Variants in PTPRT observed in about 807,000 individuals in gnomAD.
PTPRT encodes the protein receptor-type tyrosine-protein phosphatase T.
In PTPRT, 56 loss-of-function variants were observed where a neutral mutation model predicts 176.8. The observed-to-expected ratio is 0.32, with a 90% confidence interval of 0.26 to 0.40. The LOEUF (loss-of-function observed/expected upper bound fraction) is 0.40, where lower values mean the gene tolerates loss of function less well. Among genes scored for constraint, PTPRT ranks in the 10% least tolerant of loss-of-function variants. The pLI is 1.00. For missense variants in PTPRT, 1,540 were observed against 1,908.2 expected (o/e 0.81, Z 3.60); for synonymous variants, 783 against 739.0 (o/e 1.06, Z -0.96).
chr20:42,095,718 C>T (rs932167099), intron 27 of PTPRT, among the ~76,000 whole-genome samples: 1 of 152,212 alleles, frequency 6.6e-6, no homozygotes, highest in African/African-American at 2.4e-5. Flanking sequence ...CTGTCTCCTG[C>T]TTTAGAAGAG....
chr20:43,083,369 T>TAC (rs1247577383), intron 1 of PTPRT, among the ~76,000 whole-genome samples: 4 of 110,244 alleles, frequency 3.6e-5, no homozygotes, highest in African/African-American at 1.6e-4. Flanking sequence ...TATATATATA[T>TAC]ACATTTTTTG....
At position 42,352,783 on chromosome 20, in the gene PTPRT, T is replaced by C. The variant is rs566135329; in HGVS notation, c.1561-498A>G. 2.6e-5 allele frequency among the ~76,000 whole-genome samples: 4 copies of C among 152,318 alleles called. No individual in the cohort carries two copies. In the East Asian group the frequency reaches 7.7e-4, roughly 29 times the overall value. On this transcript the variant is annotated intron_variant, in intron 9 of 30. Coordinates refer to ENST00000373187, the MANE Select transcript of PTPRT (RefSeq NM_007050.6). ...GGGATGGACACCCCATCTATCGAGATATGATTATTACGCATTGCATGCTTA... is the reference window on the plus strand; with the variant it reads ...GGGATGGACACCCCATCTATCGAGACATGATTATTACGCATTGCATGCTTA...
chr20:42,759,628 T>C (rs2076886656), intron 5 of PTPRT, among the ~76,000 whole-genome samples: 1 of 152,156 alleles, frequency 6.6e-6, no homozygotes, highest in South Asian at 2.1e-4. Flanking sequence ...CACACAGAAG[T>C]CCAGGAAAAA....
At chr20:42,621,352 A>G (rs1177487365) in intron 7 of PTPRT, among the ~76,000 whole-genome samples, 2 of 152,176 alleles carry the variant, frequency 1.3e-5, no homozygotes, top group African/African-American at 2.4e-5. Context: ...GAACACCCAT[A>G]GCTCTTATCT....
chr20:42,816,117 C>T (rs1028372263), intron 2 of PTPRT, among the ~76,000 whole-genome samples: 30 of 152,122 alleles, frequency 2.0e-4, no homozygotes, highest in Admixed American at 1.7e-3. Context: ...TCATCTCAGA[C>T]GACAGCCATG....
chr20:42,313,293 G>A (rs1389959240), intron 12 of PTPRT, among the ~76,000 whole-genome samples: 5 of 152,130 alleles, frequency 3.3e-5, no homozygotes, highest in African/African-American at 1.2e-4. Flanking sequence ...GGGATGCTCT[G>A]TCTATGAAGT....
chr20:42,636,113 T>G (rs2074593070), intron 7 of PTPRT, among the ~76,000 whole-genome samples: 1 of 152,166 alleles, frequency 6.6e-6, no homozygotes, highest in African/African-American at 2.4e-5. Flanking sequence ...TTGATTACTC[T>G]TATACATGGT....
At chr20:42,094,995 T>G (rs548236069) in intron 27 of PTPRT, among the ~76,000 whole-genome samples, 4 of 152,314 alleles carry the variant, frequency 2.6e-5, no homozygotes, top group South Asian at 4.1e-4. Flanking sequence ...CTTCTCAAAG[T>G]GCTAGGTAAG....
intron 1 of PTPRT, among the ~76,000 whole-genome samples, chr20:42,943,484 C>T (rs1247724534): frequency 2.6e-5 from 4 of 152,102 alleles, no homozygotes; most frequent in Non-Finnish European, 5.9e-5. Context: ...TCTTACTTCC[C>T]CTCCCAGGTG....
intron 15 of PTPRT, among the ~76,000 whole-genome samples, chr20:42,207,190 G>GA (rs1600676638): frequency 6.6e-6 from 1 of 152,026 alleles, no homozygotes; most frequent in African/African-American, 2.4e-5. Flanking sequence ...CAAAGATGGG[G>GA]AAAAAACAGA....
intron 17 of PTPRT, among the ~76,000 whole-genome samples, chr20:42,155,902 C>T (rs1989329843): frequency 6.6e-6 from 1 of 152,196 alleles, no homozygotes; most frequent in South Asian, 2.1e-4. Flanking sequence ...AAGTCCTGCT[C>T]TCTTCGATGG....
chr20:42,237,252 T>C (rs900926573), intron 14 of PTPRT, among the ~76,000 whole-genome samples: 5 of 152,164 alleles, frequency 3.3e-5, no homozygotes, highest in Non-Finnish European at 7.3e-5. Flanking sequence ...TGGGGGTAGT[T>C]TGTTACATGG....
chr20:42,959,627 GA>G (rs953561303), intron 1 of PTPRT, among the ~76,000 whole-genome samples: 21 of 151,832 alleles, frequency 1.4e-4, no homozygotes, highest in African/African-American at 4.6e-4. Context: ...GGGACAACTG[GA>G]AAAAAAATAA....
intron 2 of PTPRT, among the ~76,000 whole-genome samples, chr20:42,814,297 C>T (rs1056513161): frequency 1.3e-5 from 2 of 152,004 alleles, no homozygotes; most frequent in Non-Finnish European, 2.9e-5. Context: ...CAATCTATTA[C>T]GTATTTGTCA....
intron 16 of PTPRT, among the ~76,000 whole-genome samples, chr20:42,180,627 T>A (rs1487182596): frequency 1.3e-5 from 2 of 152,222 alleles, no homozygotes; most frequent in Admixed American, 1.3e-4. Context: ...GTGCATAATA[T>A]GTCAGGCACA....
chr20:42,500,946 C>A (rs1441854930), intron 7 of PTPRT, among the ~76,000 whole-genome samples: 2 of 151,568 alleles, frequency 1.3e-5, no homozygotes, highest in African/African-American at 4.9e-5. Context: ...CATCTATTTA[C>A]TATTTTTACT....
intron 15 of PTPRT, among the ~76,000 whole-genome samples, chr20:42,212,303 A>T (rs539079409): frequency 2.4e-4 from 19 of 78,234 alleles, no homozygotes; most frequent in South Asian, 7.8e-4. Context: ...TTAAAGTATA[A>T]AAAAAAAAAA....
At chr20:42,181,075 A>G (rs915434177) in intron 16 of PTPRT, among the ~76,000 whole-genome samples, 1 of 152,236 alleles carries the variant, frequency 6.6e-6, no homozygotes, top group Non-Finnish European at 1.5e-5. Context: ...TCCTTGGCAC[A>G]CAGTTAGGGC....
intron 13 of PTPRT, among the ~76,000 whole-genome samples, chr20:42,259,883 C>G (rs984452480): frequency 2.0e-5 from 3 of 152,228 alleles, no homozygotes; most frequent in Non-Finnish European, 4.4e-5. Context: ...CAGTGACCTC[C>G]ACATGGACTA....
Sources: allele counts gnomAD v4.1 joint callset (sites outside exome capture counted in the v4.1 genomes callset), GRCh38; gene constraint gnomAD v4.1.1; transcripts MANE v1.5; gene names NCBI Gene and HGNC (gene_info 2026-07-23, HGNC 2026-07-21).